The following EYA2 variants were observed in gnomAD, a reference collection of about 807,000 sequenced individuals.
The protein encoded by EYA2 is protein phosphatase EYA2.
In EYA2, 31 loss-of-function variants were observed where a neutral mutation model predicts 69.2. That is an observed-to-expected ratio of 0.45 (90% CI 0.34 to 0.60). The LOEUF is 0.60. Ranked by LOEUF, EYA2 falls within the 20% of genes least tolerant of loss-of-function variation. The probability of loss-of-function intolerance (pLI) is 0.02; values close to 1 mark genes in which losing one functional copy is unlikely to be tolerated. For missense variants in EYA2, 622 were observed against 701.2 expected (o/e 0.89, Z 1.28); for synonymous variants, 257 against 279.4 (o/e 0.92, Z 0.80).
At chr20:47,022,847 G>A (rs1983839194) in intron 5 of EYA2, among the ~76,000 whole-genome samples, 1 of 151,316 alleles carries the variant, frequency 6.6e-6, no homozygotes, top group Non-Finnish European at 1.5e-5. Flanking sequence ...GTAGAGACGG[G>A]GTTTCATTGT....
At chr20:46,946,119 G>T (rs917005996) in intron 1 of EYA2, among the ~76,000 whole-genome samples, 2 of 152,138 alleles carry the variant, frequency 1.3e-5, no homozygotes, top group Non-Finnish European at 2.9e-5. Context: ...CTCCTCCAGT[G>T]CCTGTTTATA....
chr20:47,033,639 C>T (rs914596030), intron 5 of EYA2, among the ~76,000 whole-genome samples: 2 of 152,182 alleles, frequency 1.3e-5, no homozygotes, highest in African/African-American at 2.4e-5. Flanking sequence ...CGGGGAGAGG[C>T]AGTCAGCTAA....
At chr20:47,101,436 G>C (rs2032420387) in intron 9 of EYA2, among the ~76,000 whole-genome samples, 2 of 152,140 alleles carry the variant, frequency 1.3e-5, no homozygotes, top group Admixed American at 6.5e-5. Context: ...CATCACTTCT[G>C]CTCTTATCCT....
rs972968686 is a variant in EYA2, at chr20:47,090,219, A to G, written c.804+838A>G. ...TCAGGCTGAGAACTAGTGGTCAGGG[A>G]TGCTCCAATCTTTTTTTTTTTTTTT... On this transcript the variant is annotated intron_variant, in intron 8 of 15. Coordinates refer to ENST00000327619, the MANE Select transcript of EYA2 (RefSeq NM_005244.5). 3.2e-4 allele frequency among the ~76,000 whole-genome samples: 47 copies of G among 145,074 alleles called. No homozygotes were observed. The South Asian group carries it at 9.0e-3, about 28-fold the overall frequency.
chr20:46,952,269 C>T (rs1347693747), intron 1 of EYA2, among the ~76,000 whole-genome samples: 8 of 151,932 alleles, frequency 5.3e-5, no homozygotes, highest in African/African-American at 1.9e-4. Flanking sequence ...GGGGATGGGG[C>T]TTGAGGGACC....
At chr20:47,144,328 C>A (rs1222701605) in intron 10 of EYA2, among the ~76,000 whole-genome samples, 3 of 149,604 alleles carry the variant, frequency 2.0e-5, no homozygotes, top group African/African-American at 7.4e-5. Context: ...TGCACTCCAG[C>A]CTGGCAACAG....
At chr20:47,068,172 C>T (rs926521306) in intron 5 of EYA2, among the ~76,000 whole-genome samples, 6 of 152,296 alleles carry the variant, frequency 3.9e-5, no homozygotes, top group Non-Finnish European at 5.9e-5. Flanking sequence ...CTCTCAGGAT[C>T]GATGTGAGGA....
chr20:47,083,353 G>A (rs1310872555), intron 7 of EYA2, among the ~76,000 whole-genome samples: 1 of 152,148 alleles, frequency 6.6e-6, no homozygotes, highest in Non-Finnish European at 1.5e-5. Flanking sequence ...AAGGCAGGTG[G>A]ATCACCTGAG....
At chr20:46,946,884 C>G (rs558845419) in intron 1 of EYA2, among the ~76,000 whole-genome samples, 1 of 148,162 alleles carries the variant, frequency 6.7e-6, no homozygotes, top group Non-Finnish European at 1.5e-5. Flanking sequence ...TGGCCTGTTT[C>G]TACTTCTTTG....
intron 5 of EYA2, among the ~76,000 whole-genome samples, chr20:47,052,124 C>T (rs2030373634): frequency 6.6e-6 from 1 of 152,176 alleles, no homozygotes; most frequent in Admixed American, 6.5e-5. Flanking sequence ...AAAAGACAGC[C>T]TCTGCTCCCA....
rs1456895857 is a variant in EYA2 at position 47,016,198 on chromosome 20, A to G, written c.316A>G (p.Ser106Gly). ...IPSYSIKTED[S>G]LNHSPGQSGF... Reference sequence around the variant, plus strand: ...CTTCAAAGGCATCAAGACAGAAGACAGCTTGAACCATTCCCCTGGCCAGAG... The same window carrying G: ...CTTCAAAGGCATCAAGACAGAAGACGGCTTGAACCATTCCCCTGGCCAGAG... The change falls in exon 5 of 16, where the codon AGC (serine) becomes GGC (glycine). Residue 106 changes from serine to glycine, a missense_variant. By Grantham distance (56) the Ser-to-Gly change is moderately conservative. Coordinates refer to ENST00000327619, the MANE Select transcript of EYA2 (RefSeq NM_005244.5). 1.9e-6 allele frequency: 3 copies of G among 1,613,912 alleles called. No homozygotes were observed. In the Admixed American group the frequency reaches 5.0e-5, roughly 27 times the overall value.
chr20:47,098,470 A>G (rs762921393), intron 9 of EYA2, among the ~76,000 whole-genome samples: 80 of 152,372 alleles, frequency 5.3e-4, no homozygotes, highest in African/African-American at 1.9e-3. Context: ...GTGAAGTTCC[A>G]TAGCTCCGTG....
At chr20:47,172,598 A>G in intron 11 of EYA2, 109 bp from the exon 12 acceptor site, 3 of 1,166,120 alleles carry the variant, frequency 2.6e-6, no homozygotes, top group Non-Finnish European at 3.6e-6. Context: ...CGAGGGGCTC[A>G]TGGACACCCA....
intron 9 of EYA2, among the ~76,000 whole-genome samples, chr20:47,123,701 G>A (rs1426402480): frequency 3.3e-5 from 5 of 152,184 alleles, no homozygotes; most frequent in African/African-American, 1.2e-4. Flanking sequence ...TATGAAAAGG[G>A]ACTAACGGGC....
chr20:47,115,917 G>A lies in EYA2; in HGVS notation c.888+18749G>A, dbSNP rs113933369. ...ACCCCCAGCACTGCTGCAGCCTCCT[G>A]CTCACATGCACTTCCCACCACAGGG... On this transcript the variant is annotated intron_variant, in intron 9 of 15. Transcript: ENST00000327619. 2.5e-3 allele frequency among the ~76,000 whole-genome samples: 375 copies of A among 152,230 alleles called. 1 individual carries two copies. The highest frequency in any genetic ancestry group is 3.7e-3 in the Non-Finnish European group (254 of 68,010).
chr20:47,018,449 A>G (rs1424634981), intron 5 of EYA2, among the ~76,000 whole-genome samples: 1 of 152,248 alleles, frequency 6.6e-6, no homozygotes, highest in African/African-American at 2.4e-5. Context: ...AGATAATTAT[A>G]GATTTTGATA....
intron 5 of EYA2, among the ~76,000 whole-genome samples, chr20:47,056,594 C>T (rs1161733584): frequency 6.6e-6 from 1 of 152,194 alleles, no homozygotes; most frequent in African/African-American, 2.4e-5. Flanking sequence ...CTATGCTTAG[C>T]TCCACTTTAC....
Position 47,083,418 on chromosome 20 carries a change from T to A in EYA2, c.662-5821T>A, listed in dbSNP as rs184309320. Among the ~76,000 whole-genome samples the A allele has an allele frequency of 3.0e-3, 458 of 151,096 alleles. 3 individuals carry two copies. Among genetic ancestry groups the A allele is most frequent in the African/African-American group, 0.011 (433 of 41,164 alleles). On this transcript the variant is annotated intron_variant, in intron 7 of 15. Coordinates refer to ENST00000327619, the MANE Select transcript of EYA2 (RefSeq NM_005244.5). ...ATGATGAAACCCCGTCTCTACTAAA[T>A]ATACAAAAAAATAGCCAGGCTTGGT...
intron 10 of EYA2, among the ~76,000 whole-genome samples, chr20:47,160,340 C>T (rs13041142): frequency 0.37 from 56,422 of 152,024 alleles, 10,659 homozygotes; most frequent in East Asian, 0.4. Flanking sequence ...ACAAAAGCTG[C>T]AGCAGACAGG....
Sources: allele counts gnomAD v4.1 joint callset (sites outside exome capture counted in the v4.1 genomes callset), GRCh38; gene constraint gnomAD v4.1.1; transcripts MANE v1.5; gene names NCBI Gene and HGNC (gene_info 2026-07-23, HGNC 2026-07-21).